Variants in ZNF587 observed in about 807,000 individuals in gnomAD.
ZNF587 encodes the protein zinc finger protein zfp6.
Under a neutral mutation model 7.5 loss-of-function variants are expected in ZNF587, and 8 were observed. The observed-to-expected ratio is 1.06, with a 90% CI of 0.62 to 1.92. ZNF587 has a LOEUF of 1.92. Among genes scored for constraint, ZNF587 ranks in the 40% most tolerant of loss-of-function variants. The pLI is 0.00. For missense variants in ZNF587, 468 were observed against 692.8 expected (o/e 0.68, Z 3.64); for synonymous variants, 145 against 237.8 (o/e 0.61, Z 3.59).
intron 1 of ZNF587, 83 bp from the exon 2 acceptor site, chr19:57,856,021 G>A: frequency 6.3e-7 from 1 of 1,576,838 alleles, no homozygotes; most frequent in Non-Finnish European, 8.6e-7. Flanking sequence ...GGAGGAGGAT[G>A]GGCAAGGGTG....
At chr19:57,855,825 T>A in intron 1 of ZNF587, 1 of 377,114 alleles carries the variant, frequency 2.7e-6, no homozygotes, top group African/African-American at 2.1e-5. Context: ...TGTCCCAAAG[T>A]GCTGGGATTA....
chr19:57,858,429 C>G (rs993556930), intron 2 of ZNF587, 147 bp from the exon 3 acceptor site: 2 of 1,450,950 alleles, frequency 1.4e-6, no homozygotes, highest in African/African-American at 1.4e-5. Flanking sequence ...GCCCAGCCAG[C>G]AGCCCCATCT....
chr19:57,864,972 A>C lies in ZNF587; in HGVS notation c.*4832A>C, dbSNP rs1466646797. On this transcript the variant is annotated 3_prime_UTR_variant, in exon 3 of 3. Transcript: ENST00000339656. ...TTATTTTCTCCATAAACTACAGTTT[A>C]TATAAGCAAAAGTTTCAGTACTAAG... 1.3e-5 allele frequency: 2 copies of C among 152,230 alleles called. No homozygotes were observed. The highest frequency in any genetic ancestry group is 2.9e-5 in the Non-Finnish European group (2 of 68,046). The allele number at this position is 152,230 out of a possible 1,614,324, so 9.4% of individuals were successfully genotyped here.
rs369525203 is a variant in ZNF587, at chr19:57,859,885, G to A, written c.1473G>A (p.Pro491=). The A allele has an allele frequency of 8.1e-6, 13 of 1,613,518 alleles. No homozygotes were observed. The highest frequency in any genetic ancestry group is 1.3e-5 in the African/African-American group (1 of 74,748). ...AGAGGATTCACACTGGAGAAAGGCC[G>A]TATGAATGCAGTGAATGTGGGAAAT... is the stretch of plus-strand genomic sequence containing the variant. The part of the protein sequence containing the change: ...IHQRIHTGER[P]YECSECGKSF... The change falls in exon 3 of 3, where the codon CCG becomes CCA. Residue 491 remains proline, a synonymous_variant. Transcript: ENST00000339656.
rs1158669191 is a variant in ZNF587 at position 57,860,242 on chromosome 19, A to G, written c.*102A>G. 3 of 1,597,250 alleles carry G rather than the reference A, an allele frequency of 1.9e-6. No individual in the cohort carries two copies. The highest frequency in any genetic ancestry group is 1.7e-4 in the Middle Eastern group (1 of 5,980). On this transcript the variant is annotated 3_prime_UTR_variant, in exon 3 of 3. Coordinates refer to ENST00000339656, the MANE Select transcript of ZNF587 (RefSeq NM_032828.4). ...CCTTATGAGTGCTGTCAATGTGGAAAACATCAGAATGTCTGCTGTCCTCGG... is the reference window on the plus strand; with the variant it reads ...CCTTATGAGTGCTGTCAATGTGGAAGACATCAGAATGTCTGCTGTCCTCGG...
At position 57,855,550 on chromosome 19, in the gene ZNF587, G is replaced by A. The variant is rs575642813; in HGVS notation, c.34-554G>A. ...CTTGGATATCGCTGTTCAGAAGGGG[G>A]TGTGGGCTTTTTTTGTTTTTTTTTT... On this transcript the variant is annotated intron_variant, in intron 1 of 2. Transcript: ENST00000339656. Among the ~76,000 whole-genome samples the A allele has an allele frequency of 5.3e-5, 8 of 151,024 alleles. No homozygotes were observed. In the South Asian group the frequency reaches 1.5e-3, roughly 28 times the overall value.
At chr19:57,856,272 G>A in intron 2 of ZNF587, 39 bp downstream of exon 2, 1 of 1,537,886 alleles carries the variant, frequency 6.5e-7, no homozygotes, top group South Asian at 1.3e-5. Context: ...CTGAGCTAGT[G>A]TTACTGTTCC....
chr19:57,859,487 A>C lies in ZNF587; in HGVS notation c.1075A>C (p.Lys359Gln). The C allele has an allele frequency of 6.2e-7, 1 of 1,613,182 alleles. No homozygotes were observed. The highest frequency in any genetic ancestry group is 8.5e-7 in the Non-Finnish European group (1 of 1,179,744). The change falls in exon 3 of 3, where the codon AAA becomes CAA. Residue 359 changes from lysine (K) to glutamine (Q), a missense_variant. By Grantham distance (53) the Lys-to-Gln change is moderately conservative. Transcript: ENST00000339656. ...AGCTTATCACTGTGGGGAATGTGGG[A>C]AATCTTTTCGTCAGAAGTTCTGCTT... ...ERAYHCGECGKSFRQKFCFIN... is the reference protein window; with the variant it reads ...ERAYHCGECGQSFRQKFCFIN...
At position 57,863,362 on chromosome 19, in the gene ZNF587, C is replaced by G. The variant is rs1471908257; in HGVS notation, c.*3222C>G. ...CAAACTCCTGACCTCGTGATCCACC[C>G]ACCTCGGCCTCCCAAAGTGCTGGAA... is the stretch of plus-strand genomic sequence containing the variant. On this transcript the variant is annotated 3_prime_UTR_variant, in exon 3 of 3. Coordinates refer to ENST00000339656, the MANE Select transcript of ZNF587 (RefSeq NM_032828.4). 1 of 152,322 alleles carries G rather than the reference C, an allele frequency of 6.6e-6. No homozygotes were observed. The highest frequency in any genetic ancestry group is 1.5e-5 in the Non-Finnish European group (1 of 68,190). 9.4% of individuals were successfully genotyped at this position (152,322 alleles called of 1,614,324 possible). A position where few individuals can be genotyped will look rare whatever the true frequency, so the allele number is the denominator to read the frequency against.
In ZNF587 at chr19:57,854,165, T is replaced by C. The variant is rs1278646522; in HGVS notation, c.34-1939T>C. 9 of 152,310 alleles carry C rather than the reference T, an allele frequency of 5.9e-5. No homozygotes were observed. In the East Asian group the frequency reaches 1.7e-3, roughly 29 times the overall value. The allele number at this position is 152,310 out of a possible 1,614,324, so 9.4% of individuals were successfully genotyped here. A position where few individuals can be genotyped will look rare whatever the true frequency, so the allele number is the denominator to read the frequency against. ...ATGGGCAGTGAAAAATATGCTCATC[T>C]GTGATAGTAGATGTGGTTTGGTTCA... On this transcript the variant is annotated intron_variant, in intron 1 of 2. Coordinates refer to ENST00000339656, the MANE Select transcript of ZNF587 (RefSeq NM_032828.4).
Position 57,857,580 on chromosome 19 carries a change from A to C in ZNF587, c.164-996A>C, listed in dbSNP as rs140772256. Among the ~76,000 whole-genome samples, 60 of 151,636 alleles carry C rather than the reference A, an allele frequency of 4.0e-4. No homozygotes were observed. The East Asian group carries it at 8.1e-3, about 21-fold the overall frequency. On this transcript the variant is annotated intron_variant, in intron 2 of 2. Coordinates refer to ENST00000339656, the MANE Select transcript of ZNF587 (RefSeq NM_032828.4). ...GTTTTCTTGGTCTTCACATGTTTCT[A>C]TATATATATAGATGTATATATATGT...
chr19:57,855,974 C>T (rs2071350299), intron 1 of ZNF587, 130 bp from the exon 2 acceptor site: 2 of 1,478,072 alleles, frequency 1.4e-6, no homozygotes, highest in African/African-American at 2.8e-5. Flanking sequence ...ACAAAGGCAC[C>T]AGTGGATGTG....
Position 57,859,482 on chromosome 19 carries a change from G to A in ZNF587, c.1070G>A (p.Cys357Tyr), listed in dbSNP as rs1057388567. Residue 357 changes from cysteine to tyrosine, a missense_variant, in exon 3 of 3, where the codon TGT becomes TAT. By Grantham distance (194) the Cys-to-Tyr change is radical (BLOSUM62 -2). Around this residue, in one of 5 missense-constraint regions of ZNF587, gnomAD observed 310 missense variants for 325.6 expected, o/e 0.95. Coordinates refer to ENST00000339656, the MANE Select transcript of ZNF587 (RefSeq NM_032828.4). ...TGERAYHCGE[C>Y]GKSFRQKFCF... ...GAGAGAGCTTATCACTGTGGGGAAT[G>A]TGGGAAATCTTTTCGTCAGAAGTTC... 94 of 1,613,004 alleles carry A rather than the reference G, an allele frequency of 5.8e-5. No individual in the cohort carries two copies. Among genetic ancestry groups the A allele is most frequent in the Non-Finnish European group, 7.2e-5 (85 of 1,179,810 alleles).
At chr19:57,857,659 A>T (rs1036631941) in intron 2 of ZNF587, among the ~76,000 whole-genome samples, 6 of 151,490 alleles carry the variant, frequency 4.0e-5, no homozygotes, top group Non-Finnish European at 7.4e-5. Flanking sequence ...TTTGAGAGAG[A>T]GTTTTGCTCT....
chr19:57,857,967 C>T (rs1028124333), intron 2 of ZNF587, among the ~76,000 whole-genome samples: 4 of 151,236 alleles, frequency 2.6e-5, no homozygotes, highest in African/African-American at 9.8e-5. Flanking sequence ...CACATGTCAT[C>T]AGGAGATAAG....
rs375933945 is a variant in ZNF587, at chr19:57,850,001, G to A, written c.-38G>A. 13 of 1,613,992 alleles carry A rather than the reference G, an allele frequency of 8.1e-6. No homozygotes were observed. Among genetic ancestry groups the A allele is most frequent in the African/African-American group, 1.3e-5 (1 of 74,950 alleles). Reference sequence around the variant, plus strand: ...GGCGGCTCTGCAGCCCCGTGACGGCGACCACTGCTCCCGGGCCGTGCTTCC... The same window carrying A: ...GGCGGCTCTGCAGCCCCGTGACGGCAACCACTGCTCCCGGGCCGTGCTTCC... On this transcript the variant is annotated 5_prime_UTR_variant, in exon 1 of 3. Transcript: ENST00000339656.
At chr19:57,853,399 A>T (rs1342961444) in intron 1 of ZNF587, among the ~76,000 whole-genome samples, 1 of 152,234 alleles carries the variant, frequency 6.6e-6, no homozygotes, top group Non-Finnish European at 1.5e-5. Context: ...GAGGGTGTTG[A>T]TACTGGAGAC....
chr19:57,850,342 A>T, intron 1 of ZNF587: 1 of 626,894 alleles, frequency 1.6e-6, no homozygotes, highest in Non-Finnish European at 2.8e-6. Context: ...GAGTTTTATT[A>T]TTCAAATCAG....
At chr19:57,853,011 C>A (rs1321643075) in intron 1 of ZNF587, among the ~76,000 whole-genome samples, 1 of 151,672 alleles carries the variant, frequency 6.6e-6, no homozygotes, top group African/African-American at 2.4e-5. Flanking sequence ...TACCACCACA[C>A]TCGGCTAATT....
Sources: gnomAD v4.1 joint callset for allele counts (sites outside exome capture counted in the v4.1 genomes callset) on GRCh38, gnomAD v4.1.1 for gene constraint, gnomAD v4.1.1 regional missense constraint, MANE v1.5 for transcripts, NCBI Gene and HGNC (gene_info 2026-07-23, HGNC 2026-07-21) for gene names.